Variants in DNAJA1 observed in about 807,000 individuals in gnomAD.
DNAJA1 encodes DnaJ heat shock protein family (Hsp40) member A1, also known as dnaJ homolog subfamily A member 1.
In DNAJA1, 26 loss-of-function variants were observed where a neutral mutation model predicts 47.6. That is an observed-to-expected ratio of 0.55 (90% CI 0.40 to 0.76). The LOEUF (loss-of-function observed/expected upper bound fraction) is 0.76, where lower values mean the gene tolerates loss of function less well. DNAJA1 is among the 30% of genes least tolerant of loss of function. The pLI is 0.00. For missense variants in DNAJA1, 315 were observed against 485.0 expected (o/e 0.65, Z 3.29); for synonymous variants, 165 against 158.4 (o/e 1.04, Z -0.31).
In DNAJA1 at chr9:33,030,492, T is replaced by A. The variant is rs776531290; in HGVS notation, c.468T>A (p.Thr156=). The change falls in exon 5 of 9, where the codon ACT becomes ACA. Residue 156 remains threonine, a synonymous_variant. Coordinates refer to ENST00000330899, the MANE Select transcript of DNAJA1 (RefSeq NM_001539.4). The stretch of plus-strand genomic sequence containing the variant: ...AGTGCTGTCCCAATTGCCGAGGTAC[T>A]GGAATGCAAATAAGAATTCATCAGA... ...AVECCPNCRG[T]GMQIRIHQIG... is the part of the protein sequence containing the mutation. The A allele has an allele frequency of 1.9e-6, 3 of 1,613,994 alleles. No individual in the cohort carries two copies. The highest frequency in any genetic ancestry group is 1.7e-4 in the Middle Eastern group (1 of 5,886).
intron 6 of DNAJA1, 26 bp downstream of exon 6, chr9:33,034,356 A>G: frequency 1.9e-6 from 3 of 1,549,262 alleles, no homozygotes; most frequent in African/African-American, 1.4e-5. Flanking sequence ...AACCACTCAA[A>G]TTGATATCAC....
At chr9:33,029,750 T>C (rs543026663) in intron 3 of DNAJA1, 135 bp from the exon 4 acceptor site, 2 of 591,838 alleles carry the variant, frequency 3.4e-6, no homozygotes, top group Admixed American at 3.4e-5. Flanking sequence ...ATTCTGTGTA[T>C]ATAGTAGGTA....
At chr9:33,038,545 A>G (rs1186713270) in intron 8 of DNAJA1, 140 bp from the exon 9 acceptor site, 5 of 713,386 alleles carry the variant, frequency 7.0e-6, no homozygotes, top group South Asian at 1.9e-5. Context: ...GTGCCTTTTT[A>G]GAGCCTGTTC....
At position 33,037,018 on chromosome 9, in the gene DNAJA1, A is replaced by G; in HGVS notation, c.878A>G (p.Gln293Arg). ...RTIVITSHPG[Q>R]IVKHGDIKCV... ...AACTTGGCTTCAATGTTTTTAGGTC[A>G]GATTGTCAAGCATGGAGATATCAAG... Residue 293 changes from glutamine (Q) to arginine (R), a missense_variant, in exon 8 of 9, where the codon CAG becomes CGG. This residue lies in a region of DNAJA1 where 162 missense variants were observed against 185.4 expected (regional missense o/e 0.87). Transcript: ENST00000330899. 6.2e-7 allele frequency: 1 copy of G among 1,605,038 alleles called. No homozygotes were observed. Among genetic ancestry groups the G allele is most frequent in the Non-Finnish European group, 8.5e-7 (1 of 1,177,596 alleles).
intron 7 of DNAJA1, 94 bp downstream of exon 7, chr9:33,036,783 C>A: frequency 2.1e-6 from 2 of 934,264 alleles, no homozygotes; most frequent in Non-Finnish European, 3.2e-6. Flanking sequence ...CTGAGGGAAA[C>A]CCATTGTTTT....
rs968172625 is a variant in DNAJA1 at position 33,036,766 on chromosome 9, A to G, written c.874+77A>G. On this transcript the variant is annotated intron_variant, in intron 7 of 8. Coordinates refer to ENST00000330899, the MANE Select transcript of DNAJA1 (RefSeq NM_001539.4). ...TTGTCTCCTGTTAACAAAGTGTAGT[A>G]TAGGCACTGAGGGAAACCCATTGTT... 4.6e-6 allele frequency: 5 copies of G among 1,077,660 alleles called. No individual in the cohort carries two copies. In the African/African-American group the frequency reaches 6.4e-5, roughly 14 times the overall value. The allele number at this position is 1,077,660 out of a possible 1,614,324, so 66.8% of individuals were successfully genotyped here.
intron 1 of DNAJA1, 87 bp downstream of exon 1, chr9:33,025,470 T>C (rs1838791299): frequency 6.6e-6 from 1 of 152,550 alleles, no homozygotes; most frequent in African/African-American, 2.4e-5. Context: ...CGGGAGGCAG[T>C]TGGCCGCGTG....
chr9:33,032,626 G>A (rs1838977857), intron 5 of DNAJA1, among the ~76,000 whole-genome samples: 1 of 152,196 alleles, frequency 6.6e-6, no homozygotes, highest in African/African-American at 2.4e-5. Flanking sequence ...CATTTGTGCT[G>A]TGCCTACTCT....
Position 33,038,914 on chromosome 9 carries a change from A to T in DNAJA1, c.*11A>T, listed in dbSNP as rs745449469. The T allele has an allele frequency of 6.2e-7, 1 of 1,603,548 alleles. No homozygotes were observed. Among genetic ancestry groups the T allele is most frequent in the East Asian group, 2.2e-5 (1 of 44,510 alleles). ...TGTCAGACCTCTTAATGGGCCAGTG[A>T]ATAACACTCACTGCTGGCATTTAAT... On this transcript the variant is annotated 3_prime_UTR_variant, in exon 9 of 9. Transcript: ENST00000330899.
In DNAJA1 at chr9:33,039,548, C is replaced by CATATATATAT. The variant is rs1165577892; in HGVS notation, c.*649_*658dup. On this transcript the variant is annotated 3_prime_UTR_variant, in exon 9 of 9. Transcript: ENST00000330899. The stretch of plus-strand genomic sequence containing the variant: ...CTGCTGTGCCATTCATATATATATA[C>CATATATATAT]ATATATATATATAATCTTGACCAGT... The CATATATATAT allele has an allele frequency of 1.7e-5, 2 of 116,790 alleles. No individual in the cohort carries two copies. The highest frequency in any genetic ancestry group is 3.9e-5 in the Non-Finnish European group (2 of 50,684). 7.2% of individuals were successfully genotyped at this position (116,790 alleles called of 1,614,324 possible). A position where few individuals can be genotyped will look rare whatever the true frequency, so the allele number is the denominator to read the frequency against.
chr9:33,029,611 A>G (rs1244664896), intron 3 of DNAJA1, among the ~76,000 whole-genome samples: 1 of 152,248 alleles, frequency 6.6e-6, no homozygotes, highest in Non-Finnish European at 1.5e-5. Context: ...CTTTGAAGGT[A>G]ATGCTTTTGC....
Position 33,038,899 on chromosome 9 carries a change from C to G in DNAJA1, c.1190C>G (p.Ser397Cys). 6.2e-7 allele frequency: 1 copy of G among 1,610,576 alleles called. No homozygotes were observed. Among genetic ancestry groups the G allele is most frequent in the Non-Finnish European group, 8.5e-7 (1 of 1,178,526 alleles). The change falls in exon 9 of 9, where the codon TCT becomes TGT. Residue 397 changes from serine to cysteine, a missense_variant. Coordinates refer to ENST00000330899, the MANE Select transcript of DNAJA1 (RefSeq NM_001539.4). ...AGAGGTGGTGTTCAGTGTCAGACCT[C>G]TTAATGGGCCAGTGAATAACACTCA... ...HPRGGVQCQT[S>C]
intron 5 of DNAJA1, 43 bp downstream of exon 5, chr9:33,030,710 C>G: frequency 6.8e-7 from 1 of 1,460,546 alleles, no homozygotes; most frequent in Non-Finnish European, 9.4e-7. Context: ...AATGCTGTGG[C>G]AGATTTATTA....
chr9:33,034,107 A>T, intron 5 of DNAJA1, 109 bp from the exon 6 acceptor site: 1 of 717,242 alleles, frequency 1.4e-6, no homozygotes, highest in Non-Finnish European at 2.2e-6. Context: ...GGGCTTTCTT[A>T]GTCATTTCTG....
intron 5 of DNAJA1, among the ~76,000 whole-genome samples, chr9:33,031,168 C>T (rs1330575843): frequency 6.6e-6 from 1 of 152,240 alleles, no homozygotes; most frequent in Non-Finnish European, 1.5e-5. Flanking sequence ...ACGATCTCAG[C>T]TCATTGCAAC....
intron 8 of DNAJA1, among the ~76,000 whole-genome samples, chr9:33,038,464 A>G (rs774566127): frequency 2.0e-5 from 3 of 152,222 alleles, no homozygotes; most frequent in Non-Finnish European, 4.4e-5. Context: ...TTTATTTAAT[A>G]CAATCATTTT....
At chr9:33,026,791 T>A (rs771256637) in intron 2 of DNAJA1, 22 bp from the exon 3 acceptor site, 1 of 1,602,944 alleles carries the variant, frequency 6.2e-7, no homozygotes. Flanking sequence ...AAAATGAAAT[T>A]CACTCCTCTT....
chr9:33,034,313 C>G lies in DNAJA1; in HGVS notation c.741C>G (p.Asp247Glu), dbSNP rs766481851. 1 of 1,607,426 alleles carries G rather than the reference C, an allele frequency of 6.2e-7. No homozygotes were observed. Among genetic ancestry groups the G allele is most frequent in the Admixed American group, 1.7e-5 (1 of 58,602 alleles). ...TTATCATTGTGTTAGATCAGAAGGA[C>G]CATGCTGTTTTTACTCGGTAAAGAC... ...GDIIIVLDQK[D>E]HAVFTRRGED... Residue 247 changes from aspartate (D) to glutamate (E), a missense_variant, in exon 6 of 9, where the codon GAC becomes GAG. Asp to Glu is a conservative substitution (Grantham distance 45). Coordinates refer to ENST00000330899, the MANE Select transcript of DNAJA1 (RefSeq NM_001539.4).
intron 3 of DNAJA1, among the ~76,000 whole-genome samples, chr9:33,027,468 C>CT (rs1564011749): frequency 6.6e-6 from 1 of 151,788 alleles, no homozygotes. Flanking sequence ...AGTGGTGTCG[C>CT]TTTTTTTAAA....
Sources: gnomAD v4.1 joint callset for allele counts (sites outside exome capture counted in the v4.1 genomes callset) on GRCh38, gnomAD v4.1.1 for gene constraint, gnomAD v4.1.1 regional missense constraint, MANE v1.5 for transcripts, NCBI Gene and HGNC (gene_info 2026-07-23, HGNC 2026-07-21) for gene names.